Variants in DENND6A observed in about 807,000 individuals in gnomAD.
The protein encoded by DENND6A is protein DENND6A.
Under a neutral mutation model 95.5 loss-of-function variants are expected in DENND6A, and 43 were observed. That is an observed-to-expected ratio of 0.45 (90% CI 0.35 to 0.58). The LOEUF (loss-of-function observed/expected upper bound fraction) is 0.58, where lower values mean the gene tolerates loss of function less well. Ranked by LOEUF, DENND6A falls within the 20% of genes least tolerant of loss-of-function variation. The pLI is 0.00. For synonymous variants in DENND6A, 257 were observed against 260.4 expected (o/e 0.99, Z 0.13); for missense variants, 574 against 736.0 (o/e 0.78, Z 2.55).
At chr3:57,678,730 C>A (rs2153416966) in intron 1 of DENND6A, among the ~76,000 whole-genome samples, 1 of 152,330 alleles carries the variant, frequency 6.6e-6, no homozygotes, top group African/African-American at 2.4e-5. Flanking sequence ...AGGAAGAGGA[C>A]CCTCACCAGG....
chr3:57,628,595 T>C (rs958210872), intron 19 of DENND6A, among the ~76,000 whole-genome samples: 20 of 152,258 alleles, frequency 1.3e-4, no homozygotes, highest in Admixed American at 7.8e-4. Context: ...TAGAGCTTAT[T>C]AGATTCTATA....
chr3:57,649,062 TA>T (rs2071138255), intron 9 of DENND6A, among the ~76,000 whole-genome samples: 1 of 152,000 alleles, frequency 6.6e-6, no homozygotes, highest in African/African-American at 2.4e-5. Flanking sequence ...ATCAGCAGAG[TA>T]AACAGACAAC....
At chr3:57,634,214 C>T (rs2070744650) in intron 14 of DENND6A, among the ~76,000 whole-genome samples, 1 of 152,008 alleles carries the variant, frequency 6.6e-6, no homozygotes, top group African/African-American at 2.4e-5. Context: ...GGGCGTATCA[C>T]TTAAGGCCAG....
chr3:57,642,000 G>T (rs1161960348), intron 11 of DENND6A, among the ~76,000 whole-genome samples: 1 of 152,088 alleles, frequency 6.6e-6, no homozygotes, highest in Non-Finnish European at 1.5e-5. Flanking sequence ...AAAATTAGAA[G>T]ACAGTGAAGG....
intron 3 of DENND6A, among the ~76,000 whole-genome samples, chr3:57,671,931 T>C (rs957027356): frequency 1.3e-5 from 2 of 152,214 alleles, no homozygotes; most frequent in Non-Finnish European, 2.9e-5. Context: ...AATTCTGAAC[T>C]GAAAGTAAAC....
In DENND6A at chr3:57,646,318, A is replaced by C; in HGVS notation, c.939T>G (p.Val313=). The C allele has an allele frequency of 6.2e-7, 1 of 1,608,438 alleles. No individual in the cohort carries two copies. The highest frequency in any genetic ancestry group is 8.5e-7 in the Non-Finnish European group (1 of 1,178,442). ...SESSETVLAL[V]NCISPLKYFS... is the part of the protein sequence containing the mutation. ...AAATAGTAACCAAATAGACTCACTTAACAAGTGCCAATACAGTCTCTGATG... is the reference window on the plus strand; with the variant it reads ...AAATAGTAACCAAATAGACTCACTTCACAAGTGCCAATACAGTCTCTGATG... Residue 313 remains valine (V), a splice_region_variant and synonymous_variant, in exon 10 of 20, where the codon GTT becomes GTG. Transcript: ENST00000311128.
chr3:57,692,616 G>C (rs1481394270), intron 1 of DENND6A, among the ~76,000 whole-genome samples, 166 bp downstream of exon 1: 1 of 152,240 alleles, frequency 6.6e-6, no homozygotes, highest in African/African-American at 2.4e-5. Context: ...CCTCCCACGG[G>C]AAGTGCCGTA....
chr3:57,631,439 C>T (rs1289998663), intron 15 of DENND6A, among the ~76,000 whole-genome samples: 1 of 152,154 alleles, frequency 6.6e-6, no homozygotes, highest in Non-Finnish European at 1.5e-5. Context: ...CATGATCCAC[C>T]TGCCTCAGCC....
At chr3:57,632,225 C>G (rs1234803471) in intron 15 of DENND6A, among the ~76,000 whole-genome samples, 1 of 150,856 alleles carries the variant, frequency 6.6e-6, no homozygotes, top group African/African-American at 2.4e-5. Flanking sequence ...GGGGTTTCAC[C>G]GTGTTAGCCA....
At chr3:57,681,063 A>G (rs537178959) in intron 1 of DENND6A, among the ~76,000 whole-genome samples, 1 of 152,344 alleles carries the variant, frequency 6.6e-6, no homozygotes, top group East Asian at 1.9e-4. Context: ...GTGAAAACAC[A>G]TGTTCACACA....
At chr3:57,692,184 C>T (rs1267056170) in intron 1 of DENND6A, among the ~76,000 whole-genome samples, 2 of 143,304 alleles carry the variant, frequency 1.4e-5, no homozygotes, top group African/African-American at 5.2e-5. Flanking sequence ...GCCAAGATCG[C>T]GCCATTGCAC....
intron 15 of DENND6A, 126 bp from the exon 16 acceptor site, chr3:57,631,104 C>A: frequency 1.4e-6 from 1 of 735,816 alleles, no homozygotes; most frequent in Non-Finnish European, 2.3e-6. Flanking sequence ...ACAACTCCAT[C>A]ACTCCCCACA....
intron 1 of DENND6A, among the ~76,000 whole-genome samples, chr3:57,677,621 A>C (rs998366769): frequency 1.3e-5 from 2 of 151,696 alleles, no homozygotes; most frequent in African/African-American, 4.8e-5. Context: ...TTTTCTGTAG[A>C]TATGGAGTCT....
At chr3:57,674,175 G>A (rs183355460) in intron 1 of DENND6A, among the ~76,000 whole-genome samples, 1 of 152,046 alleles carries the variant, frequency 6.6e-6, no homozygotes, top group African/African-American at 2.4e-5. Flanking sequence ...GAGGGCAGGA[G>A]ATCGAGACCA....
In DENND6A at chr3:57,672,242, T is replaced by G. The variant is rs747493440; in HGVS notation, c.319+14A>C. On this transcript the variant is annotated intron_variant, in intron 3 of 19. Transcript: ENST00000311128. ...TATAAAATTAAACAGAAACACTGTA[T>G]GAAAAACAGTTACCTGAATTTGAAT... is the stretch of plus-strand genomic sequence containing the variant. 8.1e-6 allele frequency: 13 copies of G among 1,601,872 alleles called. No individual in the cohort carries two copies. Among genetic ancestry groups the G allele is most frequent in the South Asian group, 1.1e-5 (1 of 88,648 alleles).
chr3:57,658,946 C>G (rs116170262), intron 8 of DENND6A, among the ~76,000 whole-genome samples, 172 bp downstream of exon 8: 2,033 of 152,076 alleles, frequency 0.013, 50 homozygotes, highest in African/African-American at 0.046. Context: ...AAAAAAGACC[C>G]TAAGAAACAT....
chr3:57,630,358 TA>T, intron 18 of DENND6A, 62 bp downstream of exon 18: 1 of 1,415,406 alleles, frequency 7.1e-7, no homozygotes. Flanking sequence ...CTTCAACTTC[TA>T]AGCATAATTA....
At chr3:57,651,087 C>G (rs906770776) in intron 9 of DENND6A, among the ~76,000 whole-genome samples, 2 of 152,040 alleles carry the variant, frequency 1.3e-5, no homozygotes, top group Admixed American at 1.3e-4. Context: ...CCTGGCCCAT[C>G]CACATGGAAT....
In DENND6A at chr3:57,653,524, T is replaced by A. The variant is rs553658023; in HGVS notation, c.818+4156A>T. ...ACTTTGGGAGGCTGAGGCGGGCAGA[T>A]CGTGAGGTCAGGAGATCGAGACCAT... On this transcript the variant is annotated intron_variant, in intron 9 of 19. Coordinates refer to ENST00000311128, the MANE Select transcript of DENND6A (RefSeq NM_152678.3). Among the ~76,000 whole-genome samples, 133 of 152,050 alleles carry A rather than the reference T, an allele frequency of 8.7e-4. 1 individual carries two copies. Among genetic ancestry groups the A allele is most frequent in the Non-Finnish European group, 5.1e-4 (35 of 67,970 alleles).
Sources: gnomAD v4.1 joint callset for allele counts (sites outside exome capture counted in the v4.1 genomes callset) on GRCh38, gnomAD v4.1.1 for gene constraint, MANE v1.5 for transcripts, NCBI Gene and HGNC (gene_info 2026-07-23, HGNC 2026-07-21) for gene names.